Variants in PXN observed in about 807,000 individuals in gnomAD.
The protein encoded by PXN is paxillin, also known as testicular tissue protein Li 134.
Under a neutral mutation model 103.6 loss-of-function variants are expected in PXN, and 61 were observed. That is an observed-to-expected ratio of 0.59 (90% CI 0.48 to 0.73). The LOEUF is 0.73. Among genes scored for constraint, PXN ranks in the 30% least tolerant of loss-of-function variants. PXN has a pLI of 0.00. For missense variants in PXN, 1,274 were observed against 1,460.3 expected (o/e 0.87, Z 2.08); for synonymous variants, 562 against 607.8 (o/e 0.92, Z 1.11).
Position 120,213,566 on chromosome 12 carries a change from T to TTC in PXN, c.2979+274_2979+275dup, listed in dbSNP as rs1414065026. 6.6e-6 allele frequency among the ~76,000 whole-genome samples: 1 copy of TTC among 152,202 alleles called. No individual in the cohort carries two copies. Among genetic ancestry groups the TTC allele is most frequent in the African/African-American group, 2.4e-5 (1 of 41,450 alleles). ...TAAATACTTGCATTATCTCATTTAG[T>TTC]TCTCACACACTCTCCTCCCAAATAG... On this transcript the variant is annotated intron_variant, in intron 14 of 14. Transcript: ENST00000637617. This position sits in a 1 kb window ranked among gnomAD's most constrained non-coding sequence, Gnocchi z 4.2.
intron 1 of PXN, among the ~76,000 whole-genome samples, chr12:120,238,352 C>T (rs1053898225): frequency 3.3e-5 from 5 of 152,168 alleles, no homozygotes; most frequent in East Asian, 1.9e-4. Context: ...GATGCCAAGC[C>T]TCATGGGTAA....
chr12:120,250,399 C>T (rs941563689), intron 1 of PXN, among the ~76,000 whole-genome samples: 8 of 152,158 alleles, frequency 5.3e-5, no homozygotes, highest in Admixed American at 1.3e-4. Context: ...ACCAAGTTCA[C>T]AGTCCAGAAA....
At chr12:120,218,206 A>G (rs1003665212) in intron 7 of PXN, among the ~76,000 whole-genome samples, 2 of 151,748 alleles carry the variant, frequency 1.3e-5, no homozygotes, top group African/African-American at 4.8e-5. Flanking sequence ...AACCACGCCC[A>G]GCTAATCTTT....
At position 120,214,855 on chromosome 12, in the gene PXN, G is replaced by A. The variant is rs25662; in HGVS notation, c.2718C>T (p.Arg906=). The change falls in exon 12 of 15, where the codon CGC becomes CGT. Residue 906 remains arginine, a synonymous_variant. Coordinates refer to ENST00000637617, the MANE Select transcript of PXN (RefSeq NM_001385981.1). The surrounding 1 kb of genome is among the most constrained non-coding windows in gnomAD (Gnocchi z 5.0). ...EKDYHNLFSP[R]CYYCNGPILD... is the part of the protein sequence containing the mutation. ...GGATGGGGCCGTTGCAGTAGTAGCA[G>A]CGCGGGGAGAAGAGGTTGTGGTAGT... The A allele has an allele frequency of 4.8e-3, 7,731 of 1,614,014 alleles. 303 individuals carry two copies. In the African/African-American group the frequency reaches 0.088, roughly 18 times the overall value.
chr12:120,224,611 G>C lies in PXN; in HGVS notation c.14-234C>G, dbSNP rs562144343. 2.9e-6 allele frequency: 2 copies of C among 687,820 alleles called. No individual in the cohort carries two copies. The allele number at this position is 687,820 out of a possible 1,614,324, so 42.6% of individuals were successfully genotyped here. A position where few individuals can be genotyped will look rare whatever the true frequency, so the allele number is the denominator to read the frequency against. ...CCAGGACTGAAAGTGCTCTAGAGGC[G>C]GGCTCTGGGGCTGCCCTGTGGGATC... On this transcript the variant is annotated intron_variant, in intron 1 of 14. Coordinates refer to ENST00000637617, the MANE Select transcript of PXN (RefSeq NM_001385981.1). The surrounding 1 kb of genome is among the most constrained non-coding windows in gnomAD (Gnocchi z 5.0).
intron 1 of PXN, among the ~76,000 whole-genome samples, chr12:120,232,884 C>CT (rs1483948850): frequency 5.3e-5 from 8 of 152,202 alleles, no homozygotes; most frequent in Non-Finnish European, 1.2e-4. Flanking sequence ...GCACCTTCCC[C>CT]TTTTTTCAGG....
At chr12:120,262,728 A>C (rs1151836) in intron 1 of PXN, among the ~76,000 whole-genome samples, 5,765 of 152,220 alleles carry the variant, frequency 0.038, 293 homozygotes, top group African/African-American at 0.11. Flanking sequence ...CGGGTTAGAA[A>C]ACACAGTCAG....
At chr12:120,232,589 G>A (rs540085861) in intron 1 of PXN, among the ~76,000 whole-genome samples, 10 of 152,128 alleles carry the variant, frequency 6.6e-5, no homozygotes, top group Non-Finnish European at 1.0e-4. Flanking sequence ...GGCTGGAAAG[G>A]TTCTCAGCTG....
intron 1 of PXN, among the ~76,000 whole-genome samples, chr12:120,253,678 A>C (rs1892561083): frequency 6.6e-6 from 1 of 152,218 alleles, no homozygotes. Flanking sequence ...CATATAAAAA[A>C]TGATCGTCAA....
chr12:120,233,601 C>T (rs56792569), intron 1 of PXN, among the ~76,000 whole-genome samples: 2,707 of 152,252 alleles, frequency 0.018, 71 homozygotes, highest in African/African-American at 0.06. Context: ...CCACTGTGCC[C>T]GGCCCTCACA....
At position 120,225,938 on chromosome 12, in the gene PXN, G is replaced by A; in HGVS notation, c.14-1561C>T. On this transcript the variant is annotated intron_variant, in intron 1 of 14. Coordinates refer to ENST00000637617, the MANE Select transcript of PXN (RefSeq NM_001385981.1). This position sits in a 1 kb window ranked among gnomAD's most constrained non-coding sequence, Gnocchi z 4.4. ...TGCTCCTGCCCAGATGGACAGAGGG[G>A]ATGTCTGTTCCAAGGCCCAGGACCC... 1 of 442,992 alleles carries A rather than the reference G, an allele frequency of 2.3e-6. No homozygotes were observed. The highest frequency in any genetic ancestry group is 3.2e-6 in the Non-Finnish European group (1 of 313,522). The allele number at this position is 442,992 out of a possible 1,614,324, so 27.4% of individuals were successfully genotyped here.
At position 120,265,714 on chromosome 12, in the gene PXN, G is replaced by T. The variant is rs1255689109; in HGVS notation, c.-85C>A. 4 of 1,223,364 alleles carry T rather than the reference G, an allele frequency of 3.3e-6. No homozygotes were observed. In the South Asian group the frequency reaches 7.1e-5, roughly 22 times the overall value. 75.8% of individuals were successfully genotyped at this position (1,223,364 alleles called of 1,614,324 possible). The stretch of plus-strand genomic sequence containing the variant: ...CTATGCCCCGCAACTTTTCCGCCGC[G>T]AGCCTCGGCCCGGAACGGAACGCGC... On this transcript the variant is annotated 5_prime_UTR_variant, in exon 1 of 15. Transcript: ENST00000637617. This position sits in a 1 kb window ranked among gnomAD's most constrained non-coding sequence, Gnocchi z 5.7.
chr12:120,218,888 T>TAA (rs1361912952), intron 7 of PXN, among the ~76,000 whole-genome samples: 2 of 152,248 alleles, frequency 1.3e-5, no homozygotes, highest in African/African-American at 4.8e-5. Flanking sequence ...TAGCAAGTGT[T>TAA]AGACATGTGG....
chr12:120,226,170 C>T (rs896352343), intron 1 of PXN: 18 of 1,206,974 alleles, frequency 1.5e-5, no homozygotes, highest in Admixed American at 3.1e-5. Context: ...CTTGGCTTCA[C>T]GCAGTGTCCT....
At chr12:120,235,814 A>C (rs879888421) in intron 1 of PXN, among the ~76,000 whole-genome samples, 4 of 152,172 alleles carry the variant, frequency 2.6e-5, no homozygotes, top group Non-Finnish European at 4.4e-5. Flanking sequence ...GTCGACGCGC[A>C]CAAGTGTTTT....
rs1885977194 is a variant in PXN, at chr12:120,223,770, C to A, written c.304G>T (p.Asp102Tyr). ...CGGGAGCACGGAGAGCCAACACTGT[C>A]CTGAGGGTTGGAGACACTGGAAGTT... ...AKTSSVSNPQ[D>Y]SVGSPCSRVG... Residue 102 changes from aspartate to tyrosine, a missense_variant, in exon 3 of 15, where the codon GAC (aspartate) becomes TAC (tyrosine). This residue lies in a region of PXN where 1,178 missense variants were observed against 1,309.0 expected (regional missense o/e 0.90). Transcript: ENST00000637617. 6.2e-7 allele frequency: 1 copy of A among 1,609,956 alleles called. No individual in the cohort carries two copies. Among genetic ancestry groups the A allele is most frequent in the African/African-American group, 1.3e-5 (1 of 74,880 alleles).
At chr12:120,248,491 T>TAC (rs1891560183) in intron 1 of PXN, among the ~76,000 whole-genome samples, 1 of 75,886 alleles carries the variant, frequency 1.3e-5, no homozygotes, top group African/African-American at 7.2e-5. Context: ...ACAGATGACT[T>TAC]TCACACACAC....
chr12:120,261,842 CTA>C (rs1868879317), intron 1 of PXN, among the ~76,000 whole-genome samples: 1 of 152,230 alleles, frequency 6.6e-6, no homozygotes, highest in South Asian at 2.1e-4. Context: ...CTCCATCAAG[CTA>C]TGTCTGCCCA....
In PXN at chr12:120,215,321, G is replaced by A. The variant is rs75877114; in HGVS notation, c.2404-48C>T. On this transcript the variant is annotated intron_variant, in intron 10 of 14. Coordinates refer to ENST00000637617, the MANE Select transcript of PXN (RefSeq NM_001385981.1). This position sits in a 1 kb window ranked among gnomAD's most constrained non-coding sequence, Gnocchi z 4.9. ...TCAGGACTCCTGAGGCTCGGGGTACGGTGTCTGGCAGCACAGGGATGGGGG... is the reference window on the plus strand; with the variant it reads ...TCAGGACTCCTGAGGCTCGGGGTACAGTGTCTGGCAGCACAGGGATGGGGG... 2.8e-4 allele frequency: 432 copies of A among 1,547,350 alleles called. No individual in the cohort carries two copies. The African/African-American group carries it at 5.1e-3, about 18-fold the overall frequency.
Sources: allele counts gnomAD v4.1 joint callset (sites outside exome capture counted in the v4.1 genomes callset), GRCh38; gene constraint gnomAD v4.1.1; regional missense constraint gnomAD v4.1.1; non-coding constraint Gnocchi (gnomAD v3.1); transcripts MANE v1.5; gene names NCBI Gene and HGNC (gene_info 2026-07-23, HGNC 2026-07-21).